Variants in PSD3 observed in about 807,000 individuals in gnomAD.
The protein encoded by PSD3 is pleckstrin and Sec7 domain containing 3, also known as PH and SEC7 domain-containing protein 3.
In PSD3, 49 loss-of-function variants were observed where a neutral mutation model predicts 105.5. That is an observed-to-expected ratio of 0.46 (90% CI 0.37 to 0.59). PSD3 has a LOEUF of 0.59. PSD3 is among the 20% of genes least tolerant of loss of function. PSD3 has a pLI of 0.00. For missense variants in PSD3, 1,561 were observed against 1,263.8 expected, an observed-to-expected ratio of 1.24 and a Z score of -3.57; for synonymous variants, 557 against 457.8, an observed-to-expected ratio of 1.22 and a Z score of -2.77.
rs765324282 is a variant in PSD3 at position 18,796,346 on chromosome 8, T to A, written c.2082+2949A>T. On this transcript the variant is annotated intron_variant, in intron 8 of 15. Coordinates refer to ENST00000327040, the MANE Select transcript of PSD3 (RefSeq NM_015310.4). The stretch of plus-strand genomic sequence containing the variant: ...AATGAGGTCAGCCTAGCCAATACCA[T>A]CAGAGAGGATTATTTGGCTTCCATG... Among the ~76,000 whole-genome samples the A allele has an allele frequency of 5.7e-4, 86 of 152,100 alleles. 1 individual carries two copies. Among genetic ancestry groups the A allele is most frequent in the Non-Finnish European group, 1.1e-3 (72 of 68,024 alleles).
Position 18,594,222 on chromosome 8 carries a change from ATATTAT to A in PSD3, c.2481+6136_2481+6141del, listed in dbSNP as rs1803864420. Among the ~76,000 whole-genome samples the A allele has an allele frequency of 4.5e-3, 10 of 2,230 alleles. 4 individuals are homozygous for A. The highest frequency in any genetic ancestry group is 7.4e-3 in the African/African-American group (10 of 1,358). The allele number at this position is 2,230 out of a possible 152,430, so 1.5% of individuals were successfully genotyped here. The stretch of plus-strand genomic sequence containing the variant: ...TATTATATAATATATATTATTATAT[ATATTAT>A]ATAATATATATTATTATATATATTA... On this transcript the variant is annotated intron_variant, in intron 12 of 15. Coordinates refer to ENST00000327040, the MANE Select transcript of PSD3 (RefSeq NM_015310.4).
intron 4 of PSD3, among the ~76,000 whole-genome samples, chr8:18,823,422 A>C (rs1812907791): frequency 6.6e-6 from 1 of 152,194 alleles, no homozygotes; most frequent in African/African-American, 2.4e-5. Context: ...AAATACAAGT[A>C]AAGTGGCAAT....
chr8:18,592,612 T>A (rs1249699997), intron 12 of PSD3, among the ~76,000 whole-genome samples: 2 of 152,072 alleles, frequency 1.3e-5, no homozygotes, highest in East Asian at 3.9e-4. Context: ...AAAAGAAAAG[T>A]GATTGGTCTG....
At chr8:18,607,990 G>A (rs1306925409) in intron 11 of PSD3, among the ~76,000 whole-genome samples, 1 of 152,108 alleles carries the variant, frequency 6.6e-6, no homozygotes, top group Non-Finnish European at 1.5e-5. Flanking sequence ...GAGAGTAATG[G>A]CCCCCAACAA....
intron 4 of PSD3, among the ~76,000 whole-genome samples, chr8:18,862,254 A>C (rs780683798): frequency 6.6e-6 from 1 of 151,964 alleles, no homozygotes; most frequent in African/African-American, 2.4e-5. Flanking sequence ...AGGGTCCCAG[A>C]TTTTATGTAT....
intron 4 of PSD3, among the ~76,000 whole-genome samples, chr8:18,842,769 A>G (rs1814752092): frequency 6.6e-6 from 1 of 152,072 alleles, no homozygotes; most frequent in Admixed American, 6.5e-5. Flanking sequence ...TAGTATACAG[A>G]CTATTAATAT....
chr8:18,556,536 C>T (rs1379779389), intron 14 of PSD3, among the ~76,000 whole-genome samples, 184 bp from the exon 15 acceptor site: 1 of 152,218 alleles, frequency 6.6e-6, no homozygotes, highest in African/African-American at 2.4e-5. Flanking sequence ...TATATTCCTT[C>T]CCGGGATGGC....
chr8:18,972,104 A>T (rs1824686536), intron 1 of PSD3, among the ~76,000 whole-genome samples: 1 of 152,230 alleles, frequency 6.6e-6, no homozygotes, highest in Admixed American at 6.5e-5. Flanking sequence ...AATTCAAATA[A>T]TAAGGAATGA....
intron 9 of PSD3, among the ~76,000 whole-genome samples, chr8:18,727,894 G>A (rs1803452404): frequency 6.6e-6 from 1 of 152,030 alleles, no homozygotes; most frequent in South Asian, 2.1e-4. Flanking sequence ...AGTCTACTAA[G>A]CTACTTTCTA....
chr8:18,587,989 C>A (rs1358936326), intron 12 of PSD3, among the ~76,000 whole-genome samples: 2 of 152,132 alleles, frequency 1.3e-5, no homozygotes, highest in Non-Finnish European at 2.9e-5. Context: ...ATTAGTAACT[C>A]CCTGTAGGAT....
chr8:19,081,100 G>C (rs1252729939), intron 1 of PSD3, among the ~76,000 whole-genome samples: 3 of 152,150 alleles, frequency 2.0e-5, no homozygotes, highest in Non-Finnish European at 2.9e-5. Flanking sequence ...CTGGGAGATG[G>C]TTAGGGCAGG....
chr8:18,945,111 C>A (rs1822779986), intron 1 of PSD3, among the ~76,000 whole-genome samples: 1 of 152,130 alleles, frequency 6.6e-6, no homozygotes, highest in Non-Finnish European at 1.5e-5. Context: ...TTCACACTCA[C>A]TGTGGTAGAC....
chr8:18,609,418 C>A (rs965028489), intron 11 of PSD3, among the ~76,000 whole-genome samples: 1 of 152,108 alleles, frequency 6.6e-6, no homozygotes, highest in Non-Finnish European at 1.5e-5. Flanking sequence ...CAAAATAAAC[C>A]CAGCACTTTA....
rs375898843 is a variant in PSD3, at chr8:18,752,909, T to C, written c.2172+12540A>G. Among the ~76,000 whole-genome samples, 141 of 151,708 alleles carry C rather than the reference T, an allele frequency of 9.3e-4. 3 individuals are homozygous for C. The highest frequency in any genetic ancestry group is 3.4e-3 in the Middle Eastern group (1 of 294). On this transcript the variant is annotated intron_variant, in intron 9 of 15. Transcript: ENST00000327040. ...AGGAATAATTGCTTTTGATTGCTTTTAGAATAGGTAACCTCATCGTGACAT... is the reference window on the plus strand; with the variant it reads ...AGGAATAATTGCTTTTGATTGCTTTCAGAATAGGTAACCTCATCGTGACAT...
intron 9 of PSD3, among the ~76,000 whole-genome samples, chr8:18,757,580 G>A (rs4320588): frequency 0.2 from 30,244 of 152,170 alleles, 4,775 homozygotes; most frequent in African/African-American, 0.43. Context: ...CAGTCTACCA[G>A]CAGAATCTCT....
chr8:18,616,273 A>G (rs1052487814), intron 11 of PSD3, among the ~76,000 whole-genome samples: 4 of 152,214 alleles, frequency 2.6e-5, no homozygotes, highest in Non-Finnish European at 4.4e-5. Context: ...AGTGCTCTTC[A>G]CTGAGGAAAA....
intron 9 of PSD3, among the ~76,000 whole-genome samples, chr8:18,665,920 A>G (rs1225110774): frequency 6.6e-6 from 1 of 152,250 alleles, no homozygotes; most frequent in Non-Finnish European, 1.5e-5. Flanking sequence ...TGCCACAGTC[A>G]TATCAACCTT....
chr8:18,535,464 C>G lies in PSD3; in HGVS notation c.*279G>C, dbSNP rs1799799192. 1 of 407,780 alleles carries G rather than the reference C, an allele frequency of 2.5e-6. No individual in the cohort carries two copies. Among genetic ancestry groups the G allele is most frequent in the Non-Finnish European group, 4.4e-6 (1 of 225,272 alleles). 25.3% of individuals were successfully genotyped at this position (407,780 alleles called of 1,614,324 possible). A position where few individuals can be genotyped will look rare whatever the true frequency, so the allele number is the denominator to read the frequency against. On this transcript the variant is annotated 3_prime_UTR_variant, in exon 16 of 16. Coordinates refer to ENST00000327040, the MANE Select transcript of PSD3 (RefSeq NM_015310.4). ...GAGCAGACTGCAAACAAGAGAAAAC[C>G]AAAAGAGAAGGGATACATAATTCAT... is the stretch of plus-strand genomic sequence containing the variant.
intron 1 of PSD3, among the ~76,000 whole-genome samples, chr8:19,004,889 AAGACAT>A (rs1281805453): frequency 6.6e-6 from 1 of 152,022 alleles, no homozygotes. Flanking sequence ...CCATACATGT[AAGACAT>A]GACTTGATCC....
Sources: gnomAD v4.1 joint callset for allele counts (sites outside exome capture counted in the v4.1 genomes callset) on GRCh38, gnomAD v4.1.1 for gene constraint, MANE v1.5 for transcripts, NCBI Gene and HGNC (gene_info 2026-07-23, HGNC 2026-07-21) for gene names.